Variants in DLGAP2 observed in about 807,000 individuals in gnomAD.
DLGAP2 encodes the protein disks large-associated protein 2.
DLGAP2 carries 26 observed loss-of-function variants against 100.3 expected under a neutral mutation model. That is an observed-to-expected ratio of 0.26 (90% CI 0.19 to 0.36). DLGAP2 has a LOEUF of 0.36. DLGAP2 is among the 10% of genes least tolerant of loss of function. DLGAP2 has a pLI of 1.00. For synonymous variants in DLGAP2, 886 were observed against 630.1 expected, an observed-to-expected ratio of 1.41 and a Z score of -6.08; for missense variants, 1,858 against 1,453.2, an observed-to-expected ratio of 1.28 and a Z score of -4.53.
intron 4 of DLGAP2, among the ~76,000 whole-genome samples, chr8:1,520,089 G>A (rs1267785305): frequency 6.6e-6 from 1 of 152,196 alleles, no homozygotes; most frequent in Admixed American, 6.5e-5. Flanking sequence ...GGAGTGCTGG[G>A]CACGCTGTCC....
chr8:1,336,098 G>A (rs1353726828), intron 3 of DLGAP2, among the ~76,000 whole-genome samples: 1 of 152,252 alleles, frequency 6.6e-6, no homozygotes, highest in Non-Finnish European at 1.5e-5. Context: ...AGTCTTGGCT[G>A]CTGCATCCAA....
chr8:1,452,861 A>C (rs1449126169), intron 3 of DLGAP2, among the ~76,000 whole-genome samples: 1 of 152,188 alleles, frequency 6.6e-6, no homozygotes, highest in Non-Finnish European at 1.5e-5. Context: ...GTGCCCATTA[A>C]AGAGTCTCTG....
chr8:1,021,157 A>G (rs2129024574), intron 2 of DLGAP2, among the ~76,000 whole-genome samples: 1 of 152,324 alleles, frequency 6.6e-6, no homozygotes, highest in East Asian at 1.9e-4. Context: ...TTGGGAGTAA[A>G]TAGCTCTAGT....
intron 2 of DLGAP2, among the ~76,000 whole-genome samples, chr8:960,255 C>T (rs1470384637): frequency 0.019 from 9 of 468 alleles, no homozygotes; most frequent in Non-Finnish European, 0.061. Flanking sequence ...TTTTTTTTCC[C>T]GAGACACTCT....
intron 3 of DLGAP2, among the ~76,000 whole-genome samples, chr8:1,294,365 G>A (rs774125143): frequency 2.6e-5 from 4 of 152,170 alleles, no homozygotes; most frequent in Admixed American, 6.5e-5. Context: ...ACTCTCCGTC[G>A]TCGTCCACGA....
intron 10 of DLGAP2, among the ~76,000 whole-genome samples, chr8:1,671,387 G>A (rs996595478): frequency 6.6e-6 from 1 of 152,348 alleles, no homozygotes; most frequent in African/African-American, 2.4e-5. Flanking sequence ...TTGTCTGAGT[G>A]CAGATAGCAG....
chr8:1,135,691 A>G (rs1796395573), intron 2 of DLGAP2, among the ~76,000 whole-genome samples: 1 of 152,116 alleles, frequency 6.6e-6, no homozygotes, highest in Non-Finnish European at 1.5e-5. Context: ...GTTGGGCGCT[A>G]AGCCTTCGTT....
intron 3 of DLGAP2, among the ~76,000 whole-genome samples, chr8:1,418,365 C>T (rs1796994592): frequency 6.6e-6 from 1 of 152,126 alleles, no homozygotes; most frequent in Admixed American, 6.6e-5. Flanking sequence ...ATTCAGTATC[C>T]TCAAGTCATT....
chr8:1,548,487 CA>C, intron 4 of DLGAP2, 138 bp from the exon 5 acceptor site: 1 of 364,448 alleles, frequency 2.7e-6, no homozygotes, highest in Non-Finnish European at 4.7e-6. Flanking sequence ...AAAAAAAACC[CA>C]CAAATCTGCC....
chr8:1,071,967 G>C (rs113235426), intron 2 of DLGAP2, among the ~76,000 whole-genome samples: 15 of 152,192 alleles, frequency 9.9e-5, no homozygotes, highest in African/African-American at 3.6e-4. Context: ...GCTGTACGTG[G>C]TTTCTCGTCA....
chr8:936,660 C>G (rs542568729), intron 2 of DLGAP2, among the ~76,000 whole-genome samples: 1 of 152,246 alleles, frequency 6.6e-6, no homozygotes, highest in South Asian at 2.1e-4. Context: ...GAAGCTGGAG[C>G]CTGGTTGCAA....
chr8:787,333 C>A (rs1482262165), intron 1 of DLGAP2, among the ~76,000 whole-genome samples: 1 of 152,210 alleles, frequency 6.6e-6, no homozygotes, highest in Non-Finnish European at 1.5e-5. Context: ...TGCTGAGGAC[C>A]CTCCTTCCCA....
At chr8:1,489,765 C>G (rs1563179312) in intron 3 of DLGAP2, among the ~76,000 whole-genome samples, 1 of 152,184 alleles carries the variant, frequency 6.6e-6, no homozygotes, top group Non-Finnish European at 1.5e-5. Flanking sequence ...TTTGAGTATA[C>G]CAATTCTCAC....
chr8:885,786 T>A (rs562762049), intron 1 of DLGAP2, among the ~76,000 whole-genome samples: 119 of 152,320 alleles, frequency 7.8e-4, no homozygotes, highest in African/African-American at 2.7e-3. Context: ...TATTTTGAGA[T>A]ATGTTCCTTC....
chr8:739,980 G>C (rs909427065), intron 1 of DLGAP2: 1 of 152,204 alleles, frequency 6.6e-6, no homozygotes, highest in Non-Finnish European at 1.5e-5. Context: ...CGTGGGATCT[G>C]CTCTCAGTGA....
chr8:1,284,861 G>T (rs988429038), intron 3 of DLGAP2, among the ~76,000 whole-genome samples: 5 of 152,080 alleles, frequency 3.3e-5, no homozygotes, highest in Non-Finnish European at 7.4e-5. Context: ...CAAAGTGCTG[G>T]GATTACAGGC....
chr8:1,468,367 G>T (rs1349726102), intron 3 of DLGAP2, among the ~76,000 whole-genome samples: 1 of 151,788 alleles, frequency 6.6e-6, no homozygotes. Context: ...GTCCCCAGCA[G>T]CCTCAGTCCA....
intron 1 of DLGAP2, among the ~76,000 whole-genome samples, chr8:857,970 A>T (rs564745768): frequency 1.8e-4 from 28 of 151,556 alleles, no homozygotes; most frequent in African/African-American, 6.8e-4. Flanking sequence ...TCCTGGATTC[A>T]AGTGATTCTT....
In DLGAP2 at chr8:1,319,835, G is replaced by T. The variant is rs189287041; in HGVS notation, c.106+60952G>T. Reference sequence around the variant, plus strand: ...AGATCACATGCCAGACAATGGCAAGGTCAGGTTGCTGGAGCACTGCAGTCA... The same window carrying T: ...AGATCACATGCCAGACAATGGCAAGTTCAGGTTGCTGGAGCACTGCAGTCA... On this transcript the variant is annotated intron_variant, in intron 3 of 14. Coordinates refer to ENST00000637795, the MANE Select transcript of DLGAP2 (RefSeq NM_001346810.2). 7.2e-4 allele frequency among the ~76,000 whole-genome samples: 109 copies of T among 152,348 alleles called. 1 individual carries two copies. The highest frequency in any genetic ancestry group is 1.4e-3 in the Admixed American group (22 of 15,300).
Sources: gnomAD v4.1 joint callset for allele counts (sites outside exome capture counted in the v4.1 genomes callset) on GRCh38, gnomAD v4.1.1 for gene constraint, MANE v1.5 for transcripts, NCBI Gene and HGNC (gene_info 2026-07-23, HGNC 2026-07-21) for gene names.